PACRG: variants seen among roughly 807,000 people sequenced by gnomAD.
PACRG encodes parkin coregulated gene protein.
In PACRG, 29 loss-of-function variants were observed where a neutral mutation model predicts 29.7. The ratio of observed to expected loss-of-function variants is 0.98; its 90% CI spans 0.73 to 1.33. The LOEUF is 1.33. PACRG is among the 40% of genes most tolerant of loss of function. PACRG has a pLI of 0.00. For synonymous variants in PACRG, 116 were observed against 118.7 expected, an observed-to-expected ratio of 0.98 and a Z score of 0.15; for missense variants, 279 against 316.2, an observed-to-expected ratio of 0.88 and a Z score of 0.89.
intron 2 of PACRG, among the ~76,000 whole-genome samples, chr6:162,823,489 A>G (rs1486019463): frequency 6.7e-6 from 1 of 148,474 alleles, no homozygotes; most frequent in Non-Finnish European, 1.5e-5. Flanking sequence ...CCTTGTTTTA[A>G]CTTCTGGCAG....
chr6:163,258,455 C>T lies in PACRG; in HGVS notation c.614-56372C>T, dbSNP rs140030541. Among the ~76,000 whole-genome samples the T allele has an allele frequency of 3.9e-5, 6 of 152,128 alleles. No homozygotes were observed. The East Asian group carries it at 1.2e-3, about 29-fold the overall frequency. On this transcript the variant is annotated intron_variant, in intron 4 of 4. Coordinates refer to ENST00000366888, the MANE Select transcript of PACRG (RefSeq NM_001080379.2). ...GGGATCTGCTTGATTTGGGTGACAT[C>T]CTCATTAAAATCAATATTCTCGCCG...
intron 1 of PACRG, among the ~76,000 whole-genome samples, chr6:162,754,874 T>C (rs1008668504): frequency 2.0e-5 from 3 of 152,160 alleles, no homozygotes. Context: ...GTTCTTTAAT[T>C]GTTTTGTAGA....
chr6:163,301,930 C>G (rs1350087472), intron 4 of PACRG, among the ~76,000 whole-genome samples: 4 of 152,194 alleles, frequency 2.6e-5, no homozygotes, highest in African/African-American at 9.6e-5. Context: ...CAAGAGCACG[C>G]CTCCGCCCCT....
intron 4 of PACRG, among the ~76,000 whole-genome samples, chr6:163,240,055 C>T (rs1408667737): frequency 6.7e-6 from 1 of 149,018 alleles, no homozygotes; most frequent in East Asian, 2.0e-4. Context: ...CAGACACATA[C>T]ACACACACTC....
At chr6:162,863,997 C>A (rs1322387349) in intron 2 of PACRG, among the ~76,000 whole-genome samples, 1 of 152,106 alleles carries the variant, frequency 6.6e-6, no homozygotes, top group South Asian at 2.1e-4. Context: ...TTTGATGCAT[C>A]TGTTTTCTCT....
At chr6:163,112,116 A>C in intron 4 of PACRG, 1 of 845,334 alleles carries the variant, frequency 1.2e-6, no homozygotes, top group Non-Finnish European at 1.4e-6. Context: ...TAGAGTAAAA[A>C]GCACCAGGCA....
chr6:162,952,569 A>G (rs1799732398), intron 2 of PACRG, among the ~76,000 whole-genome samples: 1 of 152,244 alleles, frequency 6.6e-6, no homozygotes, highest in East Asian at 1.9e-4. Context: ...GCAGCAGTCC[A>G]GAATACTGAA....
At chr6:162,812,506 A>C (rs531252563) in intron 1 of PACRG, among the ~76,000 whole-genome samples, 23 of 151,930 alleles carry the variant, frequency 1.5e-4, no homozygotes, top group Non-Finnish European at 2.5e-4. Flanking sequence ...GTATTATATC[A>C]CTTTTTTGAG....
chr6:163,254,566 A>G (rs915983874), intron 4 of PACRG, among the ~76,000 whole-genome samples: 3 of 152,246 alleles, frequency 2.0e-5, no homozygotes, highest in Non-Finnish European at 4.4e-5. Context: ...AGATGGCCTC[A>G]GAAATGTAGT....
chr6:162,760,687 C>T (rs1040699275), intron 1 of PACRG, among the ~76,000 whole-genome samples: 8 of 151,946 alleles, frequency 5.3e-5, no homozygotes, highest in South Asian at 2.1e-4. Context: ...GATAGTGGGA[C>T]GTTTAGAAAG....
In PACRG at chr6:163,177,659, GAT is replaced by G. The variant is rs1482772600; in HGVS notation, c.613+88253_613+88254del. Among the ~76,000 whole-genome samples the G allele has an allele frequency of 2.0e-5, 3 of 147,594 alleles. No individual in the cohort carries two copies. In the East Asian group the frequency reaches 6.1e-4, roughly 30 times the overall value. ...AAAGCCCCCTCTCGTGAGAAACTGG[GAT>G]AATGGAAGGAGAGACTAAAAGAGTG... On this transcript the variant is annotated intron_variant, in intron 4 of 4. Coordinates refer to ENST00000366888, the MANE Select transcript of PACRG (RefSeq NM_001080379.2).
intron 4 of PACRG, among the ~76,000 whole-genome samples, chr6:163,220,835 A>G (rs1459556048): frequency 2.0e-5 from 3 of 152,212 alleles, no homozygotes; most frequent in Non-Finnish European, 4.4e-5. Flanking sequence ...CTAAGAGCTT[A>G]CCTGGATTTC....
intron 4 of PACRG, among the ~76,000 whole-genome samples, chr6:163,128,888 A>T (rs888896416): frequency 6.6e-6 from 1 of 152,254 alleles, no homozygotes; most frequent in African/African-American, 2.4e-5. Context: ...AACGTATAAT[A>T]AAAAAGCCCA....
intron 4 of PACRG, among the ~76,000 whole-genome samples, chr6:163,207,700 G>A (rs750893448): frequency 2.2e-4 from 34 of 152,190 alleles, no homozygotes; most frequent in Non-Finnish European, 3.8e-4. Context: ...ATGGTAGCCT[G>A]CTCCATTTTA....
At chr6:163,137,100 G>A (rs1412772488) in intron 4 of PACRG, among the ~76,000 whole-genome samples, 1 of 152,178 alleles carries the variant, frequency 6.6e-6, no homozygotes, top group African/African-American at 2.4e-5. Flanking sequence ...GCAACTAGCA[G>A]TATTTTTGAA....
At chr6:163,194,731 G>T (rs1780369431) in intron 4 of PACRG, among the ~76,000 whole-genome samples, 1 of 152,170 alleles carries the variant, frequency 6.6e-6, no homozygotes, top group South Asian at 2.1e-4. Flanking sequence ...CAAGTATTTT[G>T]GAGCAAGTAA....
At chr6:163,180,773 T>TA in intron 4 of PACRG, among the ~76,000 whole-genome samples, 1 of 152,292 alleles carries the variant, frequency 6.6e-6, no homozygotes, top group African/African-American at 2.4e-5. Context: ...TTCTTTAGGT[T>TA]AAAAAAATGG....
chr6:162,872,651 A>G (rs1244677784), intron 2 of PACRG, among the ~76,000 whole-genome samples: 1 of 152,198 alleles, frequency 6.6e-6, no homozygotes, highest in Non-Finnish European at 1.5e-5. Context: ...ACAGGAAAGA[A>G]GAGGGAGGGA....
chr6:163,210,963 G>T (rs2143071), intron 4 of PACRG, among the ~76,000 whole-genome samples: 95,892 of 151,808 alleles, frequency 0.63, 30,587 homozygotes, highest in South Asian at 0.78. Context: ...TCTTAAAATG[G>T]AAAAATGTCT....
Sources: gnomAD v4.1 joint callset for allele counts (sites outside exome capture counted in the v4.1 genomes callset) on GRCh38, gnomAD v4.1.1 for gene constraint, MANE v1.5 for transcripts, NCBI Gene and HGNC (gene_info 2026-07-23, HGNC 2026-07-21) for gene names.